Variants in SCARA3 observed in about 807,000 individuals in gnomAD.
SCARA3 encodes the protein cellular stress response gene protein.
SCARA3 carries 39 observed loss-of-function variants against 47.0 expected under a neutral mutation model. The observed-to-expected ratio is 0.83, with a 90% CI of 0.64 to 1.08. The LOEUF (loss-of-function observed/expected upper bound fraction) is 1.08. SCARA3 is among the 50% of genes least tolerant of loss of function. The pLI is 0.00. For missense variants in SCARA3, 724 were observed against 792.3 expected (o/e 0.91, Z 1.04); for synonymous variants, 356 against 334.1 (o/e 1.07, Z -0.71).
chr8:27,722,733 T>A, the SCARA3 span, among the ~76,000 whole-genome samples: 1 of 152,234 alleles, frequency 6.6e-6, no homozygotes, highest in South Asian at 2.1e-4. Context: ...CTCCTATCCA[T>A]CTCCCCTCAC....
chr8:27,652,827 G>A (rs550806950), intron 3 of SCARA3, among the ~76,000 whole-genome samples: 1 of 152,270 alleles, frequency 6.6e-6, no homozygotes, highest in South Asian at 2.1e-4. Context: ...AAAAATACTA[G>A]TGCCAGAGTA....
At chr8:27,684,206 C>G in the SCARA3 span, among the ~76,000 whole-genome samples, 2 of 151,906 alleles carry the variant, frequency 1.3e-5, no homozygotes, top group Non-Finnish European at 2.9e-5. Context: ...AAGTAAAACT[C>G]AACTTTAAAA....
chr8:27,668,744 T>C (rs963261278), intron 5 of SCARA3, among the ~76,000 whole-genome samples: 4 of 151,914 alleles, frequency 2.6e-5, no homozygotes, highest in Non-Finnish European at 4.4e-5. Context: ...CATGCGCCTG[T>C]TGGAGGATCA....
chr8:27,694,107 A>G, the SCARA3 span, among the ~76,000 whole-genome samples: 1 of 152,180 alleles, frequency 6.6e-6, no homozygotes, highest in East Asian at 1.9e-4. Flanking sequence ...TGGGTTCACA[A>G]TTTGAATCCT....
At chr8:27,676,443 C>A (rs933061454), downstream of SCARA3, 13 of 967,110 alleles carry the variant, frequency 1.3e-5, no homozygotes, top group African/African-American at 1.7e-4. Flanking sequence ...TCAGCCAGGC[C>A]CCCGACTTCC....
At chr8:27,637,109 T>C (rs1357284684) in intron 1 of SCARA3, among the ~76,000 whole-genome samples, 1 of 152,158 alleles carries the variant, frequency 6.6e-6, no homozygotes, top group Non-Finnish European at 1.5e-5. Flanking sequence ...GGGAAGGTGA[T>C]CAAGAAAACA....
chr8:27,671,604 A>G lies in SCARA3; in HGVS notation c.*253A>G. 1 of 1,224,460 alleles carries G rather than the reference A, an allele frequency of 8.2e-7. No homozygotes were observed. The highest frequency in any genetic ancestry group is 1.0e-6 in the Non-Finnish European group (1 of 982,506). 75.8% of individuals were successfully genotyped at this position (1,224,460 alleles called of 1,614,324 possible). On this transcript the variant is annotated 3_prime_UTR_variant, in exon 6 of 6. Coordinates refer to ENST00000301904, the MANE Select transcript of SCARA3 (RefSeq NM_016240.3). The stretch of plus-strand genomic sequence containing the variant: ...TGCACACATACACGCACATGCACAC[A>G]TACACATGCATGCACACATACACAG...
chr8:27,657,225 A>G (rs1183371950), intron 4 of SCARA3, among the ~76,000 whole-genome samples: 1 of 151,548 alleles, frequency 6.6e-6, no homozygotes. Context: ...TGCCAGGTCA[A>G]CCCTTTCCTC....
At chr8:27,683,026 A>C in the SCARA3 span, among the ~76,000 whole-genome samples, 6 of 152,294 alleles carry the variant, frequency 3.9e-5, no homozygotes, top group South Asian at 1.0e-3. Flanking sequence ...AAAACAAAAA[A>C]CAAAAAAAAC....
In SCARA3 at chr8:27,658,755, G is replaced by T. The variant is rs1801816959; in HGVS notation, c.585G>T (p.Trp195Cys). ...LGLFLAQVRG[W>C]QATTAGLDLS... ...TCTTCCTGGCCCAGGTGAGAGGCTG[G>T]CAGGCCACCACAGCTGGCCTGGACC... The change falls in exon 5 of 6, where the codon TGG becomes TGT. Residue 195 changes from tryptophan (W) to cysteine (C), a missense_variant. Physicochemically the swap from Trp to Cys is radical, Grantham distance 215 (BLOSUM62 -2). Transcript: ENST00000301904. 1 of 1,613,950 alleles carries T rather than the reference G, an allele frequency of 6.2e-7. No homozygotes were observed. Among genetic ancestry groups the T allele is most frequent in the African/African-American group, 1.3e-5 (1 of 74,908 alleles).
the SCARA3 span, among the ~76,000 whole-genome samples, chr8:27,685,934 A>C: frequency 2.0e-5 from 3 of 152,042 alleles, no homozygotes; most frequent in Non-Finnish European, 4.4e-5. Context: ...GGTGGGGGGG[A>C]AATGTGTACA....
chr8:27,668,024 C>G (rs1057221930), intron 5 of SCARA3, among the ~76,000 whole-genome samples: 6 of 152,190 alleles, frequency 3.9e-5, no homozygotes, highest in African/African-American at 1.4e-4. Context: ...GAACCCTTCT[C>G]CCTGCATCCT....
chr8:27,685,521 A>T, the SCARA3 span, among the ~76,000 whole-genome samples: 1 of 152,254 alleles, frequency 6.6e-6, no homozygotes, highest in Non-Finnish European at 1.5e-5. Flanking sequence ...CAGAAAGGGC[A>T]TTTAGTAAAT....
chr8:27,698,957 G>A, the SCARA3 span, among the ~76,000 whole-genome samples: 7 of 151,778 alleles, frequency 4.6e-5, no homozygotes, highest in African/African-American at 7.3e-5. Flanking sequence ...TTAATAAGAC[G>A]TTCATGGCTG....
the SCARA3 span, among the ~76,000 whole-genome samples, chr8:27,685,424 G>GA: frequency 1.4e-4 from 21 of 152,174 alleles, no homozygotes; most frequent in East Asian, 4.1e-3. Context: ...CCTGAGAACT[G>GA]AAAAAATAGA....
chr8:27,729,080 T>C, the SCARA3 span, among the ~76,000 whole-genome samples: 1 of 152,114 alleles, frequency 6.6e-6, no homozygotes, highest in Non-Finnish European at 1.5e-5. Context: ...TATATAACAA[T>C]TCCTGTATTG....
At chr8:27,690,938 C>T in the SCARA3 span, among the ~76,000 whole-genome samples, 1 of 152,094 alleles carries the variant, frequency 6.6e-6, no homozygotes, top group Non-Finnish European at 1.5e-5. Context: ...CCTCCTTAGA[C>T]ACCCAATGTG....
At chr8:27,710,915 A>ATTT in the SCARA3 span, among the ~76,000 whole-genome samples, 382 of 96,726 alleles carry the variant, frequency 3.9e-3, 7 homozygotes, top group African/African-American at 0.015. Flanking sequence ...CTCATAGGTG[A>ATTT]TTTTTTTTTT....
intron 5 of SCARA3, among the ~76,000 whole-genome samples, chr8:27,666,338 A>C (rs875877): frequency 0.1 from 15,968 of 152,226 alleles, 953 homozygotes; most frequent in East Asian, 0.26. Context: ...CTTCTCTGGG[A>C]TCTTGGCCCT....
Sources: gnomAD v4.1 joint callset for allele counts (sites outside exome capture counted in the v4.1 genomes callset) on GRCh38, gnomAD v4.1.1 for gene constraint, MANE v1.5 for transcripts, NCBI Gene and HGNC (gene_info 2026-07-23, HGNC 2026-07-21) for gene names.